Variants in MZT1 observed in about 807,000 individuals in gnomAD.
MZT1 encodes the protein mitotic spindle organizing protein 1, also known as mitotic-spindle organizing protein 1.
A neutral mutation model predicts 8.5 loss-of-function variants in MZT1; 8 were observed. The observed-to-expected ratio is 0.94, with a 90% confidence interval of 0.55 to 1.70. The LOEUF (loss-of-function observed/expected upper bound fraction) is 1.70. MZT1 is among the 40% of genes most tolerant of loss of function. The pLI is 0.00. For synonymous variants in MZT1, 38 were observed against 42.0 expected (o/e 0.90, Z 0.37); for missense variants, 93 against 108.6 (o/e 0.86, Z 0.64).
intron 2 of MZT1, among the ~76,000 whole-genome samples, chr13:72,714,210 T>C (rs1407311921): frequency 6.6e-6 from 1 of 152,164 alleles, no homozygotes; most frequent in East Asian, 1.9e-4. Flanking sequence ...CTGTGGAAGT[T>C]TGGACTTGAG....
intron 1 of MZT1, among the ~76,000 whole-genome samples, chr13:72,723,956 A>T (rs2032614487): frequency 6.6e-6 from 1 of 152,046 alleles, no homozygotes; most frequent in South Asian, 2.1e-4. Context: ...TGACAATTAC[A>T]CTTAGACATC....
chr13:72,717,706 C>G (rs1365908801), intron 2 of MZT1, among the ~76,000 whole-genome samples: 1 of 152,160 alleles, frequency 6.6e-6, no homozygotes, highest in East Asian at 1.9e-4. Flanking sequence ...CCATTTCCAT[C>G]TGGGTCTTCA....
Position 72,727,585 on chromosome 13 carries a change from A to C in MZT1, c.18T>G (p.Gly6=), listed in dbSNP as rs749891691. MASSS[G]AGAAAAAAAA... ...CCGCGGCCGCCGCCGCCGCCCCAGCACCGCTGCTACTCGCCATGGCTAAGG... is the reference window on the plus strand; with the variant it reads ...CCGCGGCCGCCGCCGCCGCCCCAGCCCCGCTGCTACTCGCCATGGCTAAGG... The change falls in exon 1 of 3, where the codon GGT becomes GGG. Residue 6 remains glycine (G), a synonymous_variant. Coordinates refer to ENST00000377818, the MANE Select transcript of MZT1 (RefSeq NM_001071775.3). The C allele has an allele frequency of 1.3e-5, 21 of 1,591,984 alleles. No individual in the cohort carries two copies. The highest frequency in any genetic ancestry group is 1.8e-5 in the Non-Finnish European group (21 of 1,165,736).
intron 2 of MZT1, among the ~76,000 whole-genome samples, chr13:72,711,971 C>T (rs2032493018): frequency 6.6e-6 from 1 of 152,136 alleles, no homozygotes; most frequent in Non-Finnish European, 1.5e-5. Flanking sequence ...TAGCATGATA[C>T]TATCTGGAAT....
At position 72,710,343 on chromosome 13, in the gene MZT1, A is replaced by G. The variant is rs2032476553; in HGVS notation, c.228T>C (p.Ala76=). 1.2e-6 allele frequency: 2 copies of G among 1,613,236 alleles called. No homozygotes were observed. The highest frequency in any genetic ancestry group is 4.5e-5 in the East Asian group (2 of 44,800). The change falls in exon 3 of 3, where the codon GCT becomes GCC. Residue 76 remains alanine (A), a splice_region_variant and synonymous_variant. Coordinates refer to ENST00000377818, the MANE Select transcript of MZT1 (RefSeq NM_001071775.3). ...AAAGTCAGCTTGTCATATTTTCAGC[A>G]GCCTAGAACAAGAAAGTAAGATTCA... ...ELRKATEALK[A]AENMTS is the part of the protein sequence containing the mutation.
At chr13:72,717,457 A>G (rs2032547176) in intron 2 of MZT1, among the ~76,000 whole-genome samples, 2 of 151,398 alleles carry the variant, frequency 1.3e-5, no homozygotes, top group African/African-American at 4.9e-5. Flanking sequence ...CTCCTGCCTC[A>G]GCCACCCAAG....
chr13:72,717,220 G>A (rs1318255087), intron 2 of MZT1, among the ~76,000 whole-genome samples: 1 of 152,062 alleles, frequency 6.6e-6, no homozygotes, highest in Non-Finnish European at 1.5e-5. Flanking sequence ...AAGAAATCAG[G>A]CTACACCTTC....
In MZT1 at chr13:72,719,110, A is replaced by AG; in HGVS notation, c.80-14_80-13insC. 1 of 1,492,812 alleles carries AG rather than the reference A, an allele frequency of 6.7e-7. No individual in the cohort carries two copies. Among genetic ancestry groups the AG allele is most frequent in the Non-Finnish European group, 8.8e-7 (1 of 1,131,146 alleles). 92.5% of individuals were successfully genotyped at this position (1,492,812 alleles called of 1,614,324 possible). ...ATCTCAAGCAGAACTGAAAAAAGATACAAAAAAAAAAAAAACTTAAGGCTT... is the reference window on the plus strand; with the variant it reads ...ATCTCAAGCAGAACTGAAAAAAGATAGCAAAAAAAAAAAAAACTTAAGGCTT... On this transcript the variant is annotated splice_polypyrimidine_tract_variant and intron_variant, in intron 1 of 2. Transcript: ENST00000377818.
At chr13:72,713,628 CCT>C (rs762147576) in intron 2 of MZT1, among the ~76,000 whole-genome samples, 16 of 152,214 alleles carry the variant, frequency 1.1e-4, no homozygotes, top group Admixed American at 2.6e-4. Context: ...CATCCTTCCC[CCT>C]GTTCCCCAAA....
chr13:72,720,134 A>T (rs2032578522), intron 1 of MZT1, among the ~76,000 whole-genome samples: 1 of 152,204 alleles, frequency 6.6e-6, no homozygotes, highest in African/African-American at 2.4e-5. Flanking sequence ...AATAGGATCT[A>T]ACTTTTCCTC....
At position 72,724,752 on chromosome 13, in the gene MZT1, A is replaced by ATATATGTG. The variant is rs1180726488; in HGVS notation, c.79+2771_79+2772insCACATATA. 4.0e-3 allele frequency among the ~76,000 whole-genome samples: 227 copies of ATATATGTG among 56,866 alleles called. 38 individuals are homozygous for ATATATGTG. Among genetic ancestry groups the ATATATGTG allele is most frequent in the Non-Finnish European group, 5.7e-3 (153 of 26,824 alleles). The allele number at this position is 56,866 out of a possible 152,430, so 37.3% of individuals were successfully genotyped here. ...TATATATATATATACACATATATATATGTAAAGTGGTGCTACAGGCCGGGC... is the reference window on the plus strand; with the variant it reads ...TATATATATATATACACATATATATATATATGTGTGTAAAGTGGTGCTACAGGCCGGGC... On this transcript the variant is annotated intron_variant, in intron 1 of 2. Transcript: ENST00000377818.
chr13:72,726,610 G>C (rs2032662360), intron 1 of MZT1, among the ~76,000 whole-genome samples: 1 of 152,002 alleles, frequency 6.6e-6, no homozygotes, highest in Non-Finnish European at 1.5e-5. Flanking sequence ...GAGTAAAAAG[G>C]AGACAAAGAA....
chr13:72,715,550 AC>A (rs2032527025), intron 2 of MZT1, among the ~76,000 whole-genome samples: 2 of 152,182 alleles, frequency 1.3e-5, no homozygotes, highest in Admixed American at 1.3e-4. Context: ...CCCAAATTTC[AC>A]CTTGAAATGT....
chr13:72,715,912 T>A (rs2032530823), intron 2 of MZT1, among the ~76,000 whole-genome samples: 1 of 151,828 alleles, frequency 6.6e-6, no homozygotes, highest in South Asian at 2.1e-4. Flanking sequence ...TGGTCTCCGG[T>A]TTTTTTGTTT....
intron 2 of MZT1, among the ~76,000 whole-genome samples, chr13:72,718,419 C>T (rs1039097337): frequency 2.6e-5 from 4 of 152,048 alleles, no homozygotes; most frequent in African/African-American, 9.7e-5. Context: ...CACCAAATAG[C>T]ACAATTCTAA....
At chr13:72,724,340 G>A (rs764798239) in intron 1 of MZT1, among the ~76,000 whole-genome samples, 4 of 151,984 alleles carry the variant, frequency 2.6e-5, no homozygotes, top group African/African-American at 7.3e-5. Context: ...AACCTGAAAT[G>A]AGTCAAGAAT....
At chr13:72,719,453 T>C (rs2032572771) in intron 1 of MZT1, among the ~76,000 whole-genome samples, 3 of 152,190 alleles carry the variant, frequency 2.0e-5, no homozygotes, top group Non-Finnish European at 4.4e-5. Context: ...TATTCCATTT[T>C]ATGGAAACAC....
chr13:72,715,488 T>C (rs1208704299), intron 2 of MZT1, among the ~76,000 whole-genome samples: 1 of 152,066 alleles, frequency 6.6e-6, no homozygotes, highest in Non-Finnish European at 1.5e-5. Flanking sequence ...GAAGAACACA[T>C]GAGATCTGGG....
At chr13:72,712,905 C>T (rs1243875493) in intron 2 of MZT1, among the ~76,000 whole-genome samples, 1 of 152,150 alleles carries the variant, frequency 6.6e-6, no homozygotes, top group Admixed American at 6.5e-5. Flanking sequence ...CAGATGTGTA[C>T]TAAATAAATC....
Sources: allele counts gnomAD v4.1 joint callset (sites outside exome capture counted in the v4.1 genomes callset), GRCh38; gene constraint gnomAD v4.1.1; transcripts MANE v1.5; gene names NCBI Gene and HGNC (gene_info 2026-07-23, HGNC 2026-07-21).